PRSS36: variants seen among roughly 807,000 people sequenced by gnomAD.
The protein encoded by PRSS36 is serine protease 36, also known as polyserase-2.
In PRSS36, 90 loss-of-function variants were observed where a neutral mutation model predicts 94.3. The observed-to-expected ratio is 0.95, with a 90% confidence interval of 0.80 to 1.14. PRSS36 has a LOEUF of 1.14. Ranked by LOEUF, PRSS36 falls within the 50% of genes most tolerant of loss-of-function variation. PRSS36 has a pLI of 0.00. For synonymous variants in PRSS36, 500 were observed against 489.6 expected (o/e 1.02, Z -0.28); for missense variants, 1,158 against 1,135.0 (o/e 1.02, Z -0.29).
chr16:31,143,501 C>T, intron 7 of PRSS36, 30 bp from the exon 8 acceptor site: 1 of 1,603,110 alleles, frequency 6.2e-7, no homozygotes, highest in Non-Finnish European at 8.5e-7. Flanking sequence ...GGTCAGTGGG[C>T]CTCCTGCAAC....
At chr16:31,148,718 G>A in intron 4 of PRSS36, 43 bp from the exon 5 acceptor site, 1 of 1,606,440 alleles carries the variant, frequency 6.2e-7, no homozygotes, top group Non-Finnish European at 8.5e-7. Flanking sequence ...TGACCCTATG[G>A]AGGGGGCAGA....
rs1401235459 is a variant in PRSS36 at position 31,139,014 on chromosome 16, C to G, written c.*124G>C. Reference sequence around the variant, plus strand: ...GCCCGGGCACTGAGGCCCAATTAGCCAGAGCCGCTGCAATCTCGGTGGGTG... The same window carrying G: ...GCCCGGGCACTGAGGCCCAATTAGCGAGAGCCGCTGCAATCTCGGTGGGTG... On this transcript the variant is annotated 3_prime_UTR_variant, in exon 15 of 15. Transcript: ENST00000268281. 1 of 1,193,550 alleles carries G rather than the reference C, an allele frequency of 8.4e-7. No individual in the cohort carries two copies. Among genetic ancestry groups the G allele is most frequent in the African/African-American group, 1.5e-5 (1 of 65,210 alleles). 73.9% of individuals were successfully genotyped at this position (1,193,550 alleles called of 1,614,324 possible). A position where few individuals can be genotyped will look rare whatever the true frequency, so the allele number is the denominator to read the frequency against.
rs964337152 is a variant in PRSS36 at position 31,140,538 on chromosome 16, C to T, written c.2121G>A (p.Pro707=). Residue 707 remains proline (P), a synonymous_variant, in exon 13 of 15, where the codon CCG becomes CCA. Coordinates refer to ENST00000268281, the MANE Select transcript of PRSS36 (RefSeq NM_173502.5). ...PICLHPAGIP[P]GASCWVLGWK... is the part of the protein sequence containing the mutation. ...AGCCCAACACCCAGCAGCTGGCCCC[C>T]GGGGGGATACCCGCCGGGTGGAGAC... 2.0e-5 allele frequency: 31 copies of T among 1,579,888 alleles called. No individual in the cohort carries two copies. Among genetic ancestry groups the T allele is most frequent in the African/African-American group, 4.0e-5 (3 of 74,332 alleles).
chr16:31,148,915 C>T (rs2057847337), intron 4 of PRSS36, among the ~76,000 whole-genome samples, 158 bp downstream of exon 4: 1 of 151,932 alleles, frequency 6.6e-6, no homozygotes, highest in African/African-American at 2.4e-5. Flanking sequence ...AGCCTTGCCC[C>T]ACTCGGAACC....
intron 5 of PRSS36, 76 bp downstream of exon 5, chr16:31,148,319 A>G (rs2057828034): frequency 2.1e-6 from 3 of 1,417,010 alleles, no homozygotes; most frequent in Non-Finnish European, 2.8e-6. Context: ...CCACCTCCTG[A>G]GGCCCCGCCC....
In PRSS36 at chr16:31,140,540, G is replaced by C. The variant is rs751981787; in HGVS notation, c.2119C>G (p.Pro707Ala). The C allele has an allele frequency of 6.3e-7, 1 of 1,581,632 alleles. No individual in the cohort carries two copies. The highest frequency in any genetic ancestry group is 8.6e-7 in the Non-Finnish European group (1 of 1,163,336). Reference sequence around the variant, plus strand: ...CCCAACACCCAGCAGCTGGCCCCCGGGGGGATACCCGCCGGGTGGAGACAG... The same window carrying C: ...CCCAACACCCAGCAGCTGGCCCCCGCGGGGATACCCGCCGGGTGGAGACAG... ...PICLHPAGIP[P>A]GASCWVLGWK... The change falls in exon 13 of 15, where the codon CCG becomes GCG. Residue 707 changes from proline (P) to alanine (A), a missense_variant. Transcript: ENST00000268281.
In PRSS36 at chr16:31,149,091, G is replaced by C; in HGVS notation, c.254C>G (p.Ala85Gly). The C allele has an allele frequency of 3.1e-6, 5 of 1,594,278 alleles. No individual in the cohort carries two copies. The highest frequency in any genetic ancestry group is 3.4e-6 in the Non-Finnish European group (4 of 1,172,350). Residue 85 changes from alanine (A) to glycine (G), a missense_variant, in exon 4 of 15, where the codon GCT becomes GGT. Ala to Gly is a moderately conservative substitution (Grantham distance 60). Coordinates refer to ENST00000268281, the MANE Select transcript of PRSS36 (RefSeq NM_173502.5). ...TACTCACGTCATGAAACAGTGAGCAGCGGAGAGGACCCAGGAGGGGGCGAT... is the reference window on the plus strand; with the variant it reads ...TACTCACGTCATGAAACAGTGAGCACCGGAGAGGACCCAGGAGGGGGCGAT... The part of the protein sequence containing the change: ...SLIAPSWVLS[A>G]AHCFMTNGTL...
intron 1 of PRSS36, 95 bp from the exon 2 acceptor site, chr16:31,149,826 C>T: frequency 1.3e-6 from 2 of 1,572,214 alleles, no homozygotes; most frequent in Non-Finnish European, 8.7e-7. Flanking sequence ...CCTCCGTCTC[C>T]CCAGGGCACC....
intron 4 of PRSS36, 139 bp from the exon 5 acceptor site, chr16:31,148,814 G>T: frequency 8.2e-7 from 1 of 1,216,150 alleles, no homozygotes; most frequent in Non-Finnish European, 1.1e-6. Flanking sequence ...AAGGGGAAGA[G>T]CAAATCCGAT....
intron 6 of PRSS36, among the ~76,000 whole-genome samples, chr16:31,144,438 G>A (rs184846667): frequency 2.7e-3 from 407 of 152,326 alleles, no homozygotes; most frequent in African/African-American, 9.3e-3. Context: ...GTCTCCTAAA[G>A]TGCTGGGATT....
chr16:31,146,070 CCT>C, intron 5 of PRSS36, 115 bp from the exon 6 acceptor site: 1 of 894,092 alleles, frequency 1.1e-6, no homozygotes, highest in Non-Finnish European at 1.7e-6. Flanking sequence ...TGCCCCATGG[CCT>C]CTCAGCCCAC....
At chr16:31,143,554 G>T in intron 7 of PRSS36, 34 bp downstream of exon 7, 1 of 1,612,916 alleles carries the variant, frequency 6.2e-7, no homozygotes, top group Middle Eastern at 1.7e-4. Context: ...ACTCTCCCAT[G>T]TCCCGCTTAC....
intron 6 of PRSS36, among the ~76,000 whole-genome samples, chr16:31,144,722 G>A (rs2057770761): frequency 6.6e-6 from 1 of 151,232 alleles, no homozygotes; most frequent in African/African-American, 2.4e-5. Flanking sequence ...CCCGAGAGGT[G>A]GAGTTTGCAG....
chr16:31,139,054 C>CATTAAAAA lies in PRSS36; in HGVS notation c.*83_*84insTTTTTAAT. ...CTCGGTGGGTGGGGCCCTTGAGGTTCCAGCCGGCTGGGCCACATTCCAGCC... is the reference window on the plus strand; with the variant it reads ...CTCGGTGGGTGGGGCCCTTGAGGTTCATTAAAAACAGCCGGCTGGGCCACATTCCAGCC... On this transcript the variant is annotated 3_prime_UTR_variant, in exon 15 of 15. Coordinates refer to ENST00000268281, the MANE Select transcript of PRSS36 (RefSeq NM_173502.5). 1.3e-5 allele frequency: 19 copies of CATTAAAAA among 1,453,774 alleles called. No homozygotes were observed. The highest frequency in any genetic ancestry group is 4.7e-5 in the Admixed American group (2 of 42,358). 90.1% of individuals were successfully genotyped at this position (1,453,774 alleles called of 1,614,324 possible).
intron 6 of PRSS36, among the ~76,000 whole-genome samples, chr16:31,144,715 G>A (rs2057770408): frequency 6.6e-6 from 1 of 152,140 alleles, no homozygotes. Flanking sequence ...GCTTGAACCC[G>A]AGAGGTGGAG....
chr16:31,147,649 A>G lies in PRSS36; in HGVS notation c.553+746T>C, dbSNP rs149095459. 1.1e-3 allele frequency among the ~76,000 whole-genome samples: 161 copies of G among 152,298 alleles called. 2 individuals are homozygous for G. The East Asian group carries it at 0.024, about 23-fold the overall frequency. The stretch of plus-strand genomic sequence containing the variant: ...CTATCTCCTAGGATGTAAACTCTGA[A>G]AAGGCAGGATTTTGGCTTTTTATGT... On this transcript the variant is annotated intron_variant, in intron 5 of 14. Transcript: ENST00000268281.
Position 31,141,985 on chromosome 16 carries a change from A to C in PRSS36, c.1522-25T>G, listed in dbSNP as rs201539532. On this transcript the variant is annotated intron_variant, in intron 10 of 14. Coordinates refer to ENST00000268281, the MANE Select transcript of PRSS36 (RefSeq NM_173502.5). ...TCTGCAGCAACAAAGTGTGTGTGTT[A>C]CTTGCCTCTGCGTGTGTGCAGAGAA... The C allele has an allele frequency of 2.1e-5, 33 of 1,601,426 alleles. No homozygotes were observed. The Admixed American group carries it at 3.8e-4, about 19-fold the overall frequency.
At chr16:31,146,151 C>G (rs1278760387) in intron 5 of PRSS36, among the ~76,000 whole-genome samples, 196 bp from the exon 6 acceptor site, 1 of 152,262 alleles carries the variant, frequency 6.6e-6, no homozygotes, top group Non-Finnish European at 1.5e-5. Flanking sequence ...ATGGTCTCAT[C>G]AAGCTCCTAG....
In PRSS36 at chr16:31,139,136, C is replaced by G; in HGVS notation, c.*2G>C. The G allele has an allele frequency of 1.3e-6, 2 of 1,548,286 alleles. No individual in the cohort carries two copies. The highest frequency in any genetic ancestry group is 1.7e-6 in the Non-Finnish European group (2 of 1,144,286). On this transcript the variant is annotated 3_prime_UTR_variant, in exon 15 of 15. Transcript: ENST00000268281. ...GGGAAGTGGTGCTGGGACCCTAGCC[C>G]CTCAGCTCTGGATCAGGAGAGTCAG...
Sources: allele counts gnomAD v4.1 joint callset (sites outside exome capture counted in the v4.1 genomes callset), GRCh38; gene constraint gnomAD v4.1.1; transcripts MANE v1.5; gene names NCBI Gene and HGNC (gene_info 2026-07-23, HGNC 2026-07-21).